NBL1: variants seen among roughly 807,000 people sequenced by gnomAD.
NBL1 encodes the protein NBL1, DAN family BMP antagonist.
Under a neutral mutation model 16.0 loss-of-function variants are expected in NBL1, and 9 were observed. That is an observed-to-expected ratio of 0.56 (90% CI 0.34 to 0.98). NBL1 has a LOEUF of 0.98. NBL1 is among the 50% of genes least tolerant of loss of function. The probability of loss-of-function intolerance (pLI) is 0.02; values close to 1 mark genes in which losing one functional copy is unlikely to be tolerated. For missense variants in NBL1, 196 were observed against 243.1 expected, an observed-to-expected ratio of 0.81 and a Z score of 1.29; for synonymous variants, 86 against 100.7, an observed-to-expected ratio of 0.85 and a Z score of 0.87.
intron 1 of NBL1, chr1:19,645,945 G>A (rs1435731105): frequency 6.4e-7 from 1 of 1,550,416 alleles, no homozygotes; most frequent in Non-Finnish European, 8.7e-7. Flanking sequence ...AACTTCTGCT[G>A]AGCAGATGTG....
At chr1:19,654,431 C>A (rs1227751055) in intron 1 of NBL1, among the ~76,000 whole-genome samples, 1 of 152,138 alleles carries the variant, frequency 6.6e-6, no homozygotes, top group African/African-American at 2.4e-5. Flanking sequence ...GAAATCACAG[C>A]AACGTGAAGG....
rs1458700226 is a variant in NBL1 at position 19,648,844 on chromosome 1, C to T, written c.-20+4398C>T. The stretch of plus-strand genomic sequence containing the variant: ...CTCCTTTAAAGCCTCACGGCGCCCC[C>T]ATGAGGGAGGATCGTGTCACACATA... On this transcript the variant is annotated intron_variant, in intron 1 of 3. Coordinates refer to ENST00000375136, the MANE Select transcript of NBL1 (RefSeq NM_005380.8). Among the ~76,000 whole-genome samples, 3 of 152,256 alleles carry T rather than the reference C, an allele frequency of 2.0e-5. No homozygotes were observed. The South Asian group carries it at 6.2e-4, about 32-fold the overall frequency.
intron 1 of NBL1, among the ~76,000 whole-genome samples, chr1:19,648,906 GCCA>G (rs1379611948): frequency 1.3e-5 from 2 of 152,148 alleles, no homozygotes; most frequent in Non-Finnish European, 2.9e-5. Flanking sequence ...GTCAGCCATG[GCCA>G]CAAGACGGTT....
intron 1 of NBL1, among the ~76,000 whole-genome samples, chr1:19,651,806 C>T (rs71645457): frequency 0.12 from 18,477 of 152,182 alleles, 1,211 homozygotes; most frequent in East Asian, 0.21. Flanking sequence ...GCCATCCTCC[C>T]GCCTCAGCTT....
chr1:19,657,737 C>G lies in NBL1; in HGVS notation c.*608C>G, dbSNP rs903079874. On this transcript the variant is annotated 3_prime_UTR_variant, in exon 4 of 4. Transcript: ENST00000375136. The stretch of plus-strand genomic sequence containing the variant: ...AGGCCTGGGCAGGACCCTGCTGACT[C>G]GTGGCGCGGGAGCTGGGAGCCAGGC... 6.5e-6 allele frequency: 1 copy of G among 152,718 alleles called. No homozygotes were observed. The highest frequency in any genetic ancestry group is 6.5e-5 in the Admixed American group (1 of 15,276). 9.5% of individuals were successfully genotyped at this position (152,718 alleles called of 1,614,324 possible).
intron 1 of NBL1, among the ~76,000 whole-genome samples, chr1:19,653,519 C>T (rs2095039189): frequency 6.6e-6 from 1 of 152,218 alleles, no homozygotes. Flanking sequence ...GCCTAGGAAG[C>T]CTGATCAAAA....
rs550486883 is a variant in NBL1, at chr1:19,658,035, G to A, written c.*906G>A. On this transcript the variant is annotated 3_prime_UTR_variant, in exon 4 of 4. Transcript: ENST00000375136. The stretch of plus-strand genomic sequence containing the variant: ...GTAAATATCGGATGGGTGTGGGAGT[G>A]AGGGGTTACCTCCCTCGCCCCAAGG... 1 of 152,806 alleles carries A rather than the reference G, an allele frequency of 6.5e-6. No individual in the cohort carries two copies. Among genetic ancestry groups the A allele is most frequent in the East Asian group, 1.9e-4 (1 of 5,178 alleles). 9.5% of individuals were successfully genotyped at this position (152,806 alleles called of 1,614,324 possible).
rs1281998319 is a variant in NBL1 at position 19,644,603 on chromosome 1, G to C, written c.-20+157G>C. On this transcript the variant is annotated intron_variant, in intron 1 of 3. Coordinates refer to ENST00000375136, the MANE Select transcript of NBL1 (RefSeq NM_005380.8). The surrounding 1 kb of genome is among the most constrained non-coding windows in gnomAD (Gnocchi z 4.6). ...CCGCCGCCGAGCTCAGGAGCCCTGG[G>C]GGACCTGGCGGGCGCCTCCGGACGC... 6.7e-6 allele frequency among the ~76,000 whole-genome samples: 1 copy of C among 149,870 alleles called. No individual in the cohort carries two copies.
At chr1:19,648,552 C>T (rs895881092) in intron 1 of NBL1, among the ~76,000 whole-genome samples, 1 of 152,242 alleles carries the variant, frequency 6.6e-6, no homozygotes, top group Non-Finnish European at 1.5e-5. Context: ...TTCAGGAAAG[C>T]AACCAGGGCA....
At chr1:19,647,659 C>T in intron 1 of NBL1, 1 of 985,434 alleles carries the variant, frequency 1.0e-6, no homozygotes, top group Non-Finnish European at 1.2e-6. Flanking sequence ...CACCTGAATG[C>T]TGAGCCCACA....
At chr1:19,643,527 G>A (rs1449521625), upstream of NBL1, 20 of 1,477,440 alleles carry the variant, frequency 1.4e-5, no homozygotes, top group African/African-American at 2.8e-5. This position sits in a 1 kb window ranked among gnomAD's most constrained non-coding sequence, Gnocchi z 4.7. Context: ...GAGAAGGTAC[G>A]GCCGCAATCC....
chr1:19,655,537 CT>C, intron 3 of NBL1, 102 bp downstream of exon 3: 1 of 1,307,908 alleles, frequency 7.6e-7, no homozygotes, highest in Non-Finnish European at 1.1e-6. Flanking sequence ...GCCACAGGGC[CT>C]TAGAAAGGCC....
intron 1 of NBL1, among the ~76,000 whole-genome samples, chr1:19,649,548 G>A (rs543032912): frequency 2.4e-4 from 37 of 151,862 alleles, no homozygotes; most frequent in Non-Finnish European, 4.9e-4. Context: ...TAGTAGAGAC[G>A]GGGTTTCGCC....
At chr1:19,648,169 G>C (rs1243589828) in intron 1 of NBL1, among the ~76,000 whole-genome samples, 1 of 152,158 alleles carries the variant, frequency 6.6e-6, no homozygotes, top group East Asian at 1.9e-4. Flanking sequence ...CTCTACAAAG[G>C]GTTTCACGGT....
rs199578582 is a variant in NBL1, at chr1:19,657,374, G to GGA, written c.*246_*247insAG. 1,971 of 266,506 alleles carry GGA rather than the reference G, an allele frequency of 7.4e-3. 71 individuals carry two copies. The highest frequency in any genetic ancestry group is 0.039 in the African/African-American group (1,745 of 44,712). 16.5% of individuals were successfully genotyped at this position (266,506 alleles called of 1,614,324 possible). ...AGGTCTTCAGGGCTCTTTTTTTGGG[G>GGA]GGGGTGGTCTCTTCCTGTCTGGCTT... On this transcript the variant is annotated 3_prime_UTR_variant, in exon 4 of 4. Coordinates refer to ENST00000375136, the MANE Select transcript of NBL1 (RefSeq NM_005380.8).
In NBL1 at chr1:19,655,049, GT is replaced by G; in HGVS notation, c.20del (p.Val7GlyfsTer54). 6.2e-7 allele frequency: 1 copy of G among 1,610,998 alleles called. No homozygotes were observed. Among genetic ancestry groups the G allele is most frequent in the Non-Finnish European group, 8.5e-7 (1 of 1,179,422 alleles). On this transcript the variant is annotated frameshift_variant, in exon 2 of 4. Transcript: ENST00000375136. LOFTEE classifies it high-confidence loss of function. ...CACGGGCATGATGCTTCGGGTCCTGGTGGGGGCTGTCCTCCCTGCCATGCTA... is the reference window on the plus strand; with the variant it reads ...CACGGGCATGATGCTTCGGGTCCTGGGGGGGCTGTCCTCCCTGCCATGCTA... Reference protein sequence around the residue: MMLRVLVGAVLPAMLLA... With the variant: MMLRVLXGAVLPAMLLA...
rs955111317 is a variant in NBL1, at chr1:19,644,330, G to T, written c.-136G>T. Reference sequence around the variant, plus strand: ...GGGGCCGCAGACAGCGCGCAGCGCAGCCCAGCCGAGCGTCGCGGGGCCGCC... The same window carrying T: ...GGGGCCGCAGACAGCGCGCAGCGCATCCCAGCCGAGCGTCGCGGGGCCGCC... On this transcript the variant is annotated 5_prime_UTR_variant, in exon 1 of 4. Transcript: ENST00000375136. The surrounding 1 kb of genome is among the most constrained non-coding windows in gnomAD (Gnocchi z 4.6). The T allele has an allele frequency of 2.5e-5, 24 of 978,968 alleles. 2 individuals carry two copies. Among genetic ancestry groups the T allele is most frequent in the African/African-American group, 2.3e-4 (13 of 56,644 alleles). The allele number at this position is 978,968 out of a possible 1,614,324, so 60.6% of individuals were successfully genotyped here. A position where few individuals can be genotyped will look rare whatever the true frequency, so the allele number is the denominator to read the frequency against.
intron 1 of NBL1, among the ~76,000 whole-genome samples, chr1:19,651,309 A>G (rs1225123018): frequency 6.6e-6 from 1 of 152,128 alleles, no homozygotes; most frequent in Non-Finnish European, 1.5e-5. Context: ...AGAGCCTGCT[A>G]GGGCCTGGTG....
At chr1:19,644,298 C>T (rs2094964030), upstream of NBL1, 3 of 979,032 alleles carry the variant, frequency 3.1e-6, no homozygotes, top group Non-Finnish European at 3.6e-6. The surrounding 1 kb of genome is among the most constrained non-coding windows in gnomAD (Gnocchi z 4.6). Flanking sequence ...GCGCCGCGCG[C>T]CCGCCCGGGG....
Sources: gnomAD v4.1 joint callset for allele counts (sites outside exome capture counted in the v4.1 genomes callset) on GRCh38, gnomAD v4.1.1 for gene constraint, Gnocchi (gnomAD v3.1) non-coding constraint, MANE v1.5 for transcripts, NCBI Gene and HGNC (gene_info 2026-07-23, HGNC 2026-07-21) for gene names.